PAPPA2: variants seen among roughly 807,000 people sequenced by gnomAD.
The protein encoded by PAPPA2 is pappalysin-2.
Under a neutral mutation model 176.4 loss-of-function variants are expected in PAPPA2, and 86 were observed. That is an observed-to-expected ratio of 0.49 (90% confidence interval 0.41 to 0.58). The LOEUF (loss-of-function observed/expected upper bound fraction) is 0.58. PAPPA2 is among the 20% of genes least tolerant of loss of function. PAPPA2 has a pLI of 0.00. For synonymous variants in PAPPA2, 809 were observed against 852.2 expected (o/e 0.95, Z 0.88); for missense variants, 2,073 against 2,256.9 (o/e 0.92, Z 1.65).
intron 1 of PAPPA2, among the ~76,000 whole-genome samples, chr1:176,513,211 A>G (rs764735077): frequency 3.9e-5 from 6 of 151,908 alleles, no homozygotes; most frequent in Non-Finnish European, 7.4e-5. Flanking sequence ...TATATCTTCT[A>G]CTGATTCAGT....
intron 17 of PAPPA2, among the ~76,000 whole-genome samples, chr1:176,774,567 T>A (rs948883950): frequency 6.6e-6 from 1 of 152,152 alleles, no homozygotes; most frequent in Admixed American, 6.6e-5. Context: ...ATATGCTTGT[T>A]TCTCTCCATC....
intron 5 of PAPPA2, 146 bp from the exon 6 acceptor site, chr1:176,691,980 G>T (rs1479941497): frequency 2.7e-6 from 2 of 730,622 alleles, no homozygotes; most frequent in Non-Finnish European, 4.5e-6. Flanking sequence ...GGAACAGATT[G>T]CATTTGTTCA....
chr1:176,486,785 A>G (rs1401444179), intron 1 of PAPPA2, among the ~76,000 whole-genome samples: 1 of 152,198 alleles, frequency 6.6e-6, no homozygotes, highest in African/African-American at 2.4e-5. Flanking sequence ...GGTTGGTCTT[A>G]AATGCGAGCA....
intron 7 of PAPPA2, among the ~76,000 whole-genome samples, chr1:176,698,665 G>T (rs1660494419): frequency 6.6e-6 from 1 of 152,230 alleles, no homozygotes; most frequent in South Asian, 2.1e-4. Flanking sequence ...GGGAATGAAA[G>T]AAGTTTTGGG....
chr1:176,694,530 A>G (rs940440445), intron 6 of PAPPA2, among the ~76,000 whole-genome samples: 1 of 152,210 alleles, frequency 6.6e-6, no homozygotes, highest in African/African-American at 2.4e-5. Context: ...CCTTTATTTT[A>G]TAATACTATT....
intron 12 of PAPPA2, among the ~76,000 whole-genome samples, chr1:176,718,771 T>C (rs1477736217): frequency 1.3e-5 from 2 of 151,956 alleles, no homozygotes; most frequent in African/African-American, 4.8e-5. Flanking sequence ...TTCAATTCTT[T>C]GAAATTTGTT....
At chr1:176,827,603 G>A (rs1030221191) in intron 21 of PAPPA2, among the ~76,000 whole-genome samples, 6 of 151,958 alleles carry the variant, frequency 3.9e-5, no homozygotes, top group African/African-American at 1.5e-4. Context: ...TAATTACTCT[G>A]GGAACTGACC....
chr1:176,561,326 A>G (rs964133382), intron 2 of PAPPA2, among the ~76,000 whole-genome samples: 22 of 152,150 alleles, frequency 1.4e-4, no homozygotes, highest in African/African-American at 4.8e-4. Context: ...AGTGCCCACC[A>G]TAGGGCTTGG....
chr1:176,634,940 ATGATAGG>A (rs1427985398), intron 3 of PAPPA2, among the ~76,000 whole-genome samples: 4 of 149,488 alleles, frequency 2.7e-5, no homozygotes, highest in Non-Finnish European at 4.4e-5. Context: ...ATGATGATAG[ATGATAGG>A]TAGATAGATA....
At chr1:176,599,884 A>G (rs1417548880) in intron 3 of PAPPA2, among the ~76,000 whole-genome samples, 1 of 152,122 alleles carries the variant, frequency 6.6e-6, no homozygotes, top group Non-Finnish European at 1.5e-5. Flanking sequence ...TTGAAAAAAG[A>G]AATTTGAAGG....
At chr1:176,522,495 T>A (rs1038252204) in intron 1 of PAPPA2, among the ~76,000 whole-genome samples, 1 of 152,210 alleles carries the variant, frequency 6.6e-6, no homozygotes, top group African/African-American at 2.4e-5. Context: ...GCAGCTTGTC[T>A]AGGTATGTTA....
At chr1:176,718,988 G>A (rs1661498755) in intron 12 of PAPPA2, among the ~76,000 whole-genome samples, 1 of 151,762 alleles carries the variant, frequency 6.6e-6, no homozygotes, top group Admixed American at 6.6e-5. Flanking sequence ...TTTCCATCGG[G>A]TACTGAGAGA....
intron 12 of PAPPA2, among the ~76,000 whole-genome samples, chr1:176,718,154 G>T (rs1365517912): frequency 6.6e-6 from 1 of 151,908 alleles, no homozygotes; most frequent in Non-Finnish European, 1.5e-5. Flanking sequence ...CCTATCTTAA[G>T]TCAATTTTAA....
intron 14 of PAPPA2, among the ~76,000 whole-genome samples, chr1:176,753,388 G>A (rs890337147): frequency 3.3e-4 from 50 of 151,972 alleles, no homozygotes; most frequent in African/African-American, 1.1e-3. Flanking sequence ...GATTCCTATT[G>A]TGCTTCAATT....
intron 3 of PAPPA2, among the ~76,000 whole-genome samples, chr1:176,660,962 C>T (rs1658326190): frequency 1.3e-5 from 2 of 152,052 alleles, no homozygotes; most frequent in African/African-American, 4.8e-5. Flanking sequence ...AGCCTCCTTA[C>T]ACCACTCTAT....
intron 2 of PAPPA2, among the ~76,000 whole-genome samples, chr1:176,594,009 C>T (rs1653809259): frequency 6.6e-6 from 1 of 152,184 alleles, no homozygotes; most frequent in South Asian, 2.1e-4. Context: ...AAAAGACTCC[C>T]TAATTAATCA....
intron 1 of PAPPA2, among the ~76,000 whole-genome samples, chr1:176,552,404 C>T (rs1254187452): frequency 6.7e-6 from 1 of 150,076 alleles, no homozygotes; most frequent in African/African-American, 2.5e-5. Context: ...TTCTTCCCCC[C>T]TTACCCCTGC....
chr1:176,487,669 G>A (rs1652706004), intron 1 of PAPPA2, among the ~76,000 whole-genome samples: 1 of 151,698 alleles, frequency 6.6e-6, no homozygotes, highest in Non-Finnish European at 1.5e-5. Flanking sequence ...TTTATTGAGT[G>A]TGACTATTAC....
chr1:176,734,482 G>T (rs1252326301), intron 12 of PAPPA2, among the ~76,000 whole-genome samples: 1 of 151,776 alleles, frequency 6.6e-6, no homozygotes, highest in Non-Finnish European at 1.5e-5. Context: ...CAGGAAATCA[G>T]CTGGGTTTTA....
Sources: gnomAD v4.1 joint callset for allele counts (sites outside exome capture counted in the v4.1 genomes callset) on GRCh38, gnomAD v4.1.1 for gene constraint, MANE v1.5 for transcripts, NCBI Gene and HGNC (gene_info 2026-07-23, HGNC 2026-07-21) for gene names.